The following RSBN1 variants were observed in gnomAD, a reference collection of about 807,000 sequenced individuals.
RSBN1 encodes the protein round spermatid basic protein 1.
In RSBN1, 23 loss-of-function variants were observed where a neutral mutation model predicts 74.8. The ratio of observed to expected loss-of-function variants is 0.31; its 90% CI spans 0.22 to 0.44. The LOEUF (loss-of-function observed/expected upper bound fraction) is 0.44. Among genes scored for constraint, RSBN1 ranks in the 20% least tolerant of loss-of-function variants. The pLI is 1.00. For synonymous variants in RSBN1, 407 were observed against 379.6 expected (o/e 1.07, Z -0.84); for missense variants, 808 against 1,020.9 (o/e 0.79, Z 2.84).
chr1:113,785,538 C>T (rs962405337), intron 2 of RSBN1, among the ~76,000 whole-genome samples: 3 of 152,166 alleles, frequency 2.0e-5, no homozygotes, highest in Non-Finnish European at 2.9e-5. Context: ...TTTTATGCCA[C>T]TGTACTCAAC....
intron 2 of RSBN1, among the ~76,000 whole-genome samples, chr1:113,783,635 G>A (rs1442637379): frequency 6.6e-6 from 1 of 152,180 alleles, no homozygotes; most frequent in Non-Finnish European, 1.5e-5. Context: ...TTGGGCCAAT[G>A]AGACAGTCAC....
intron 1 of RSBN1, among the ~76,000 whole-genome samples, chr1:113,810,390 C>CAT (rs1558006598): frequency 6.6e-6 from 1 of 151,246 alleles, no homozygotes; most frequent in Non-Finnish European, 1.5e-5. Context: ...TTAAAACACA[C>CAT]ACACACACAC....
At chr1:113,796,321 A>G (rs1660471732) in intron 2 of RSBN1, 1 of 152,122 alleles carries the variant, frequency 6.6e-6, no homozygotes, top group African/African-American at 2.4e-5. Flanking sequence ...GAGAACTTCA[A>G]TTAGAGAAAT....
chr1:113,787,710 G>A (rs560384380), intron 2 of RSBN1, among the ~76,000 whole-genome samples: 12 of 152,122 alleles, frequency 7.9e-5, no homozygotes, highest in Non-Finnish European at 1.2e-4. Flanking sequence ...CTAGCAGACA[G>A]GTGTGTAACC....
intron 2 of RSBN1, among the ~76,000 whole-genome samples, chr1:113,782,674 T>C (rs1215799905): frequency 6.6e-6 from 1 of 152,196 alleles, no homozygotes; most frequent in African/African-American, 2.4e-5. Context: ...AGAAGTGGAA[T>C]TGCTTGGTCA....
At position 113,783,937 on chromosome 1, in the gene RSBN1, T is replaced by C. The variant is rs555209503; in HGVS notation, c.1378-6129A>G. 2.6e-5 allele frequency among the ~76,000 whole-genome samples: 4 copies of C among 152,288 alleles called. No homozygotes were observed. The South Asian group carries it at 8.3e-4, about 32-fold the overall frequency. ...TTATGGTTTTTTAGCCTATACCTTG[T>C]ATACTTTGTAATGAGGGAGGCAATA... On this transcript the variant is annotated intron_variant, in intron 2 of 6. Transcript: ENST00000261441.
At chr1:113,797,257 C>T in intron 2 of RSBN1, 106 bp downstream of exon 2, 1 of 894,896 alleles carries the variant, frequency 1.1e-6, no homozygotes, top group Non-Finnish European at 1.7e-6. Context: ...CCTTTATTAC[C>T]ATAAATTTGT....
rs201515768 is a variant in RSBN1, at chr1:113,811,722, C to A, written c.691G>T (p.Ala231Ser). Residue 231 changes from alanine (A) to serine (S), a missense_variant, in exon 1 of 7, where the codon GCC (alanine) becomes TCC (serine). Physicochemically the swap from Ala to Ser is moderately conservative, Grantham distance 99 (BLOSUM62 1). Around this residue, in one of 6 missense-constraint regions of RSBN1, gnomAD observed 464 missense variants for 401.0 expected, o/e 1.16. Transcript: ENST00000261441. ...TGCCTGCTCTCACCTCTCTTGGGGG[C>A]TTTGATCAGAGGCACCCCTCCAGTC... The part of the protein sequence containing the change: ...ERTGGVPLIK[A>S]PKRETPDENG... 3.3e-5 allele frequency: 53 copies of A among 1,599,164 alleles called. No individual in the cohort carries two copies. Among genetic ancestry groups the A allele is most frequent in the Non-Finnish European group, 4.5e-5 (53 of 1,171,234 alleles).
At chr1:113,772,068 A>G (rs191361911) in intron 4 of RSBN1, among the ~76,000 whole-genome samples, 3 of 152,274 alleles carry the variant, frequency 2.0e-5, no homozygotes, top group Admixed American at 2.0e-4. Context: ...AAACCTTAGA[A>G]TATGAATTAA....
At chr1:113,766,498 A>T in intron 6 of RSBN1, 45 bp from the exon 7 acceptor site, 5 of 1,252,186 alleles carry the variant, frequency 4.0e-6, no homozygotes, top group Non-Finnish European at 5.6e-6. Context: ...ATATGTAATA[A>T]TTTAGTCAAG....
chr1:113,811,203 T>C (rs1660835438), intron 1 of RSBN1, among the ~76,000 whole-genome samples: 1 of 152,188 alleles, frequency 6.6e-6, no homozygotes, highest in African/African-American at 2.4e-5. Context: ...AGAACCAAGA[T>C]AAACTGCGTC....
In RSBN1 at chr1:113,768,112, T is replaced by C. The variant is rs555019744; in HGVS notation, c.1826+110A>G. 144 of 889,122 alleles carry C rather than the reference T, an allele frequency of 1.6e-4. No homozygotes were observed. The Middle Eastern group carries it at 1.9e-3, about 12-fold the overall frequency. The allele number at this position is 889,122 out of a possible 1,614,324, so 55.1% of individuals were successfully genotyped here. A position where few individuals can be genotyped will look rare whatever the true frequency, so the allele number is the denominator to read the frequency against. Reference sequence around the variant, plus strand: ...TTAAAAATGGTTAAGATGGCAAACTTTATGTGTATTTTACCACAATTTAAA... The same window carrying C: ...TTAAAAATGGTTAAGATGGCAAACTCTATGTGTATTTTACCACAATTTAAA... On this transcript the variant is annotated intron_variant, in intron 5 of 6. Transcript: ENST00000261441.
chr1:113,765,756 G>C lies in RSBN1; in HGVS notation c.*224C>G, dbSNP rs1659766831. 2.3e-6 allele frequency: 1 copy of C among 425,628 alleles called. No homozygotes were observed. Among genetic ancestry groups the C allele is most frequent in the East Asian group, 3.4e-5 (1 of 29,786 alleles). The allele number at this position is 425,628 out of a possible 1,614,324, so 26.4% of individuals were successfully genotyped here. On this transcript the variant is annotated 3_prime_UTR_variant, in exon 7 of 7. Transcript: ENST00000261441. Reference sequence around the variant, plus strand: ...ACCTCACACCTTAAAACAGAAAGTAGCAGCAGACCCACTATTACATACTGT... The same window carrying C: ...ACCTCACACCTTAAAACAGAAAGTACCAGCAGACCCACTATTACATACTGT...
intron 4 of RSBN1, among the ~76,000 whole-genome samples, chr1:113,774,609 G>A (rs1487404789): frequency 6.6e-6 from 1 of 152,008 alleles, no homozygotes; most frequent in Non-Finnish European, 1.5e-5. Flanking sequence ...CCCGGGAGGA[G>A]GGGCTTGCAG....
intron 4 of RSBN1, among the ~76,000 whole-genome samples, chr1:113,776,152 C>T (rs946750542): frequency 2.6e-5 from 4 of 152,160 alleles, no homozygotes; most frequent in Non-Finnish European, 4.4e-5. Flanking sequence ...ATTACTGAGG[C>T]TCGGTCCTAT....
At chr1:113,782,437 A>G (rs1438046901) in intron 2 of RSBN1, among the ~76,000 whole-genome samples, 1 of 152,252 alleles carries the variant, frequency 6.6e-6, no homozygotes, top group African/African-American at 2.4e-5. Flanking sequence ...CACTTAAAGG[A>G]AAACAGATAT....
rs1659737928 is a variant in RSBN1, at chr1:113,764,165, A to G, written c.*1815T>C. 6.5e-6 allele frequency: 1 copy of G among 152,738 alleles called. No individual in the cohort carries two copies. Among genetic ancestry groups the G allele is most frequent in the Non-Finnish European group, 1.5e-5 (1 of 68,028 alleles). The allele number at this position is 152,738 out of a possible 1,614,324, so 9.5% of individuals were successfully genotyped here. A position where few individuals can be genotyped will look rare whatever the true frequency, so the allele number is the denominator to read the frequency against. On this transcript the variant is annotated 3_prime_UTR_variant, in exon 7 of 7. Transcript: ENST00000261441. ...CAGGTCCCGTTAAAAACTAGTCTGGATAAACTGGAATTTACCCTAGAATTT... is the reference window on the plus strand; with the variant it reads ...CAGGTCCCGTTAAAAACTAGTCTGGGTAAACTGGAATTTACCCTAGAATTT...
At chr1:113,803,093 T>C (rs1340548736) in intron 1 of RSBN1, among the ~76,000 whole-genome samples, 1 of 152,214 alleles carries the variant, frequency 6.6e-6, no homozygotes, top group African/African-American at 2.4e-5. Context: ...ATAATTGGAA[T>C]CATAAAATGT....
At chr1:113,808,746 T>C (rs902280613) in intron 1 of RSBN1, among the ~76,000 whole-genome samples, 3 of 152,122 alleles carry the variant, frequency 2.0e-5, no homozygotes, top group South Asian at 2.1e-4. Flanking sequence ...ACTTATATAA[T>C]AGTCTCAAAA....
Sources: allele counts gnomAD v4.1 joint callset (sites outside exome capture counted in the v4.1 genomes callset), GRCh38; gene constraint gnomAD v4.1.1; regional missense constraint gnomAD v4.1.1; transcripts MANE v1.5; gene names NCBI Gene and HGNC (gene_info 2026-07-23, HGNC 2026-07-21).